The following RBFOX1 variants were observed in gnomAD, a reference collection of about 807,000 sequenced individuals.
The protein encoded by RBFOX1 is RNA binding protein fox-1 homolog 1.
A neutral mutation model predicts 57.7 loss-of-function variants in RBFOX1; 8 were observed. The ratio of observed to expected loss-of-function variants is 0.14; its 90% confidence interval spans 0.08 to 0.25. The LOEUF is 0.25. Ranked by LOEUF, RBFOX1 falls within the 10% of genes least tolerant of loss-of-function variation. The pLI is 1.00. For missense variants in RBFOX1, 611 were observed against 548.5 expected (o/e 1.11, Z -1.14); for synonymous variants, 326 against 222.4 (o/e 1.47, Z -4.15).
chr16:6,309,433 C>G (rs2079966433), intron 1 of RBFOX1, among the ~76,000 whole-genome samples: 1 of 152,170 alleles, frequency 6.6e-6, no homozygotes, highest in Admixed American at 6.5e-5. Flanking sequence ...ACCAGGGACC[C>G]AAACTTGCCC....
At chr16:7,343,880 A>G (rs944410043) in intron 4 of RBFOX1, among the ~76,000 whole-genome samples, 8 of 152,188 alleles carry the variant, frequency 5.3e-5, no homozygotes, top group Non-Finnish European at 1.5e-5. Context: ...GAACCAAATC[A>G]TGTAAAGTCC....
chr16:6,914,097 T>C (rs1399528768), intron 3 of RBFOX1, among the ~76,000 whole-genome samples: 4 of 152,226 alleles, frequency 2.6e-5, no homozygotes, highest in Non-Finnish European at 5.9e-5. Flanking sequence ...TATCCAGTGC[T>C]AAAACATTTG....
chr16:7,614,396 T>A (rs537079626), intron 10 of RBFOX1: 1 of 152,096 alleles, frequency 6.6e-6, no homozygotes, highest in Non-Finnish European at 1.5e-5. Flanking sequence ...CCTGCCCATA[T>A]TTGGCCTTAA....
In RBFOX1 at chr16:7,549,303, G is replaced by A. The variant is rs1005730330; in HGVS notation, c.271-30474G>A. On this transcript the variant is annotated intron_variant, in intron 5 of 15. Coordinates refer to ENST00000550418, the MANE Select transcript of RBFOX1 (RefSeq NM_018723.4). ...TAGGACTGTGAATAAGCAAAGAAGT[G>A]TTTGAAATGAGGTTATAAAGGTAGG... Among the ~76,000 whole-genome samples, 7 of 152,186 alleles carry A rather than the reference G, an allele frequency of 4.6e-5. No homozygotes were observed. The East Asian group carries it at 1.2e-3, about 25-fold the overall frequency.
intron 1 of RBFOX1, among the ~76,000 whole-genome samples, chr16:6,062,774 C>T (rs1240265144): frequency 2.0e-5 from 3 of 151,800 alleles, no homozygotes; most frequent in African/African-American, 4.8e-5. Flanking sequence ...GAGATATTTA[C>T]TCTTAGGAAT....
intron 10 of RBFOX1, among the ~76,000 whole-genome samples, chr16:7,629,182 T>C (rs1173884268): frequency 6.6e-6 from 1 of 152,100 alleles, no homozygotes; most frequent in Non-Finnish European, 1.5e-5. Context: ...AAAAAGTGGA[T>C]GGAGTTGTCA....
At chr16:5,880,373 T>TA (rs1164337167) in intron 4 of RBFOX1, among the ~76,000 whole-genome samples, 2 of 152,118 alleles carry the variant, frequency 1.3e-5, no homozygotes, top group African/African-American at 4.8e-5. Context: ...AGGCAACACT[T>TA]AGAGAACACC....
At chr16:7,508,958 C>T (rs1054690467) in intron 4 of RBFOX1, among the ~76,000 whole-genome samples, 2 of 152,200 alleles carry the variant, frequency 1.3e-5, no homozygotes, top group East Asian at 1.9e-4. Flanking sequence ...GCAAGAAAGA[C>T]ATGAGCAAAT....
intron 2 of RBFOX1, among the ~76,000 whole-genome samples, chr16:6,578,846 C>G (rs924102787): frequency 6.6e-6 from 1 of 151,542 alleles, no homozygotes; most frequent in East Asian, 1.9e-4. Context: ...AATCTTTGCT[C>G]GAGGCATAAG....
chr16:6,345,510 A>G (rs938248754), intron 2 of RBFOX1, among the ~76,000 whole-genome samples: 1 of 152,116 alleles, frequency 6.6e-6, no homozygotes, highest in African/African-American at 2.4e-5. Context: ...GCCCTGTTTT[A>G]GCGAGTCCTC....
At chr16:7,022,353 G>A (rs1568410304) in intron 3 of RBFOX1, among the ~76,000 whole-genome samples, 1 of 151,594 alleles carries the variant, frequency 6.6e-6, no homozygotes, top group Admixed American at 6.6e-5. Flanking sequence ...ACTGCACCTG[G>A]CCGTGAACCC....
intron 4 of RBFOX1, among the ~76,000 whole-genome samples, chr16:7,440,451 C>G (rs1303789090): frequency 6.6e-6 from 1 of 152,006 alleles, no homozygotes; most frequent in Non-Finnish European, 1.5e-5. Flanking sequence ...GTCCACAACC[C>G]CAGTTAATGA....
intron 3 of RBFOX1, among the ~76,000 whole-genome samples, chr16:6,946,924 C>A (rs758201009): frequency 6.6e-6 from 1 of 152,074 alleles, no homozygotes; most frequent in Non-Finnish European, 1.5e-5. Flanking sequence ...ACCTTTCAAA[C>A]GTTGTTATTT....
At chr16:7,699,615 A>C (rs1236942770) in intron 14 of RBFOX1, among the ~76,000 whole-genome samples, 1 of 152,214 alleles carries the variant, frequency 6.6e-6, no homozygotes, top group Admixed American at 6.5e-5. Flanking sequence ...TAAGTAAAAA[A>C]TGCATGCTGG....
At chr16:7,656,291 T>G (rs553676993) in intron 12 of RBFOX1, among the ~76,000 whole-genome samples, 1 of 152,310 alleles carries the variant, frequency 6.6e-6, no homozygotes, top group South Asian at 2.1e-4. Flanking sequence ...CTCCTGGGAA[T>G]GAATTGGCAC....
chr16:5,971,713 T>C (rs540903161), intron 4 of RBFOX1, among the ~76,000 whole-genome samples: 1 of 152,242 alleles, frequency 6.6e-6, no homozygotes, highest in East Asian at 1.9e-4. Context: ...GAAGGACCAG[T>C]CTGGATTTAT....
chr16:7,607,212 T>C (rs1213594448), intron 9 of RBFOX1, 73 bp from the exon 10 acceptor site: 8 of 1,374,826 alleles, frequency 5.8e-6, no homozygotes, highest in Non-Finnish European at 8.1e-6. Flanking sequence ...CCCATTTGAT[T>C]TGTGATTCAT....
chr16:7,510,962 T>C (rs1224147561), intron 4 of RBFOX1, among the ~76,000 whole-genome samples: 1 of 152,112 alleles, frequency 6.6e-6, no homozygotes, highest in Non-Finnish European at 1.5e-5. Flanking sequence ...CAGCAGGAAA[T>C]AAACTGGGGA....
intron 1 of RBFOX1, among the ~76,000 whole-genome samples, chr16:6,083,587 C>T (rs897204312): frequency 6.6e-6 from 1 of 152,120 alleles, no homozygotes; most frequent in African/African-American, 2.4e-5. Context: ...GATGATCCTC[C>T]AGCCTCAGCC....
Sources: allele counts gnomAD v4.1 joint callset (sites outside exome capture counted in the v4.1 genomes callset), GRCh38; gene constraint gnomAD v4.1.1; transcripts MANE v1.5; gene names NCBI Gene and HGNC (gene_info 2026-07-23, HGNC 2026-07-21).